OR2V1: variants seen among roughly 807,000 people sequenced by gnomAD.
OR2V1 encodes the protein olfactory receptor 2V1.
A neutral mutation model predicts 15.0 loss-of-function variants in OR2V1; 18 were observed. The observed-to-expected ratio is 1.20, with a 90% CI of 0.83 to 1.78. The LOEUF (loss-of-function observed/expected upper bound fraction) is 1.78, where lower values mean the gene tolerates loss of function less well. OR2V1 is among the 40% of genes most tolerant of loss of function. OR2V1 has a pLI of 0.00. For synonymous variants in OR2V1, 144 were observed against 146.1 expected, an observed-to-expected ratio of 0.99 and a Z score of 0.10; for missense variants, 359 against 392.9, an observed-to-expected ratio of 0.91 and a Z score of 0.73.
At position 181,125,202 on chromosome 5, in the gene OR2V1, C is replaced by G; in HGVS notation, c.103G>C (p.Val35Leu). 6.2e-7 allele frequency: 1 copy of G among 1,614,106 alleles called. No homozygotes were observed. Among genetic ancestry groups the G allele is most frequent in the Non-Finnish European group, 8.5e-7 (1 of 1,180,042 alleles). Residue 35 changes from valine (V) to leucine (L), a missense_variant, in exon 4 of 4, where the codon GTC (valine) becomes CTC (leucine). Physicochemically the swap from Val to Leu is conservative, Grantham distance 32. Coordinates refer to ENST00000641551, the MANE Select transcript of OR2V1 (RefSeq NM_001258283.2). ...DLVLFSAVMV[V>L]FTVALCGNVL... ...TTCCCACAGAGGGCCACTGTGAAGA[C>G]CACCATAACTGCAGAGAAGAGGACA...
At position 181,124,374 on chromosome 5, in the gene OR2V1, T is replaced by C. The variant is rs1762843048; in HGVS notation, c.931A>G (p.Ile311Val). 2 of 1,585,700 alleles carry C rather than the reference T, an allele frequency of 1.3e-6. No homozygotes were observed. The highest frequency in any genetic ancestry group is 3.6e-5 in the Admixed American group (2 of 55,876). ...TCTGGGGTTCAGTGCTGGCTGCCAA[T>C]CCTGCAGCGGTCCAGCCCCTTCCTC... Reference protein sequence around the residue: ...ALRKGLDRCRIGSQH With the variant: ...ALRKGLDRCRVGSQH Residue 311 changes from isoleucine to valine, a missense_variant, in exon 4 of 4, where the codon ATT (isoleucine) becomes GTT (valine). By Grantham distance (29) the Ile-to-Val change is conservative. Coordinates refer to ENST00000641551, the MANE Select transcript of OR2V1 (RefSeq NM_001258283.2).
Position 181,124,636 on chromosome 5 carries a change from T to G in OR2V1, c.669A>C (p.Leu223=). 1 of 1,613,528 alleles carries G rather than the reference T, an allele frequency of 6.2e-7. No homozygotes were observed. The highest frequency in any genetic ancestry group is 8.5e-7 in the Non-Finnish European group (1 of 1,179,930). ...CAGAGCGTATTCGGAGCACAGCCCC[T>G]AGGATGCAAGCATAGGAGGCCATGA... ...SIIMASYACI[L]GAVLRIRSAQ... Residue 223 remains leucine (L), a synonymous_variant, in exon 4 of 4, where the codon CTA becomes CTC. Transcript: ENST00000641551.
Position 181,124,888 on chromosome 5 carries a change from C to T in OR2V1, c.417G>A (p.Gln139=). The T allele has an allele frequency of 1.2e-6, 2 of 1,612,934 alleles. No homozygotes were observed. The highest frequency in any genetic ancestry group is 2.2e-5 in the East Asian group (1 of 44,860). ...HPLHYPILMN[Q]RVCLQITGSS... ...TCCCAGTAATCTGGAGACAGACCCT[C>T]TGATTCATGAGGATGGGATAGTGAA... The change falls in exon 4 of 4, where the codon CAG becomes CAA. Residue 139 remains glutamine (Q), a synonymous_variant. Coordinates refer to ENST00000641551, the MANE Select transcript of OR2V1 (RefSeq NM_001258283.2).
rs1362397773 is a variant in OR2V1, at chr5:181,123,456, C to T, written c.*901G>A. On this transcript the variant is annotated 3_prime_UTR_variant, in exon 4 of 4. Coordinates refer to ENST00000641551, the MANE Select transcript of OR2V1 (RefSeq NM_001258283.2). The stretch of plus-strand genomic sequence containing the variant: ...TCCATCCAGAAAGGCGGGGACAGCT[C>T]GAAGCAGGGAGGGGGCTTCCAGGTC... 5 of 160,494 alleles carry T rather than the reference C, an allele frequency of 3.1e-5. No individual in the cohort carries two copies. The South Asian group carries it at 5.0e-4, about 16-fold the overall frequency. 9.9% of individuals were successfully genotyped at this position (160,494 alleles called of 1,614,324 possible). A position where few individuals can be genotyped will look rare whatever the true frequency, so the allele number is the denominator to read the frequency against.
chr5:181,128,949 C>T (rs1762924623), intron 3 of OR2V1, among the ~76,000 whole-genome samples: 1 of 152,262 alleles, frequency 6.6e-6, no homozygotes, highest in Non-Finnish European at 1.5e-5. Flanking sequence ...TTTTGTTGGC[C>T]AAGTACCCTG....
intron 3 of OR2V1, among the ~76,000 whole-genome samples, chr5:181,127,900 C>T (rs1033933799): frequency 2.1e-4 from 32 of 151,942 alleles, no homozygotes; most frequent in Admixed American, 1.6e-3. Context: ...AGGACATGCA[C>T]GTCCCACTCC....
chr5:181,124,960 C>A lies in OR2V1; in HGVS notation c.345G>T (p.Leu115Phe), dbSNP rs1336530003. ...FVSLVGSEGLLLGLMAYDRYV... is the reference protein window; with the variant it reads ...FVSLVGSEGLFLGLMAYDRYV... ...AGCGGTCATAAGCCATGAGTCCCAGCAAGAGCCCCTCAGATCCCACAAGAG... is the reference window on the plus strand; with the variant it reads ...AGCGGTCATAAGCCATGAGTCCCAGAAAGAGCCCCTCAGATCCCACAAGAG... The change falls in exon 4 of 4, where the codon TTG becomes TTT. Residue 115 changes from leucine (L) to phenylalanine (F), a missense_variant. By Grantham distance (22) the Leu-to-Phe change is conservative. Transcript: ENST00000641551. 3 of 1,614,072 alleles carry A rather than the reference C, an allele frequency of 1.9e-6. No homozygotes were observed. The highest frequency in any genetic ancestry group is 4.5e-5 in the East Asian group (2 of 44,878).
chr5:181,128,162 C>T (rs950927612), intron 3 of OR2V1, among the ~76,000 whole-genome samples: 3 of 151,334 alleles, frequency 2.0e-5, no homozygotes, highest in African/African-American at 4.9e-5. Context: ...GGTCACAACA[C>T]TCGCATCATC....
chr5:181,126,420 CCACACACACACA>C (rs10532191), intron 3 of OR2V1, among the ~76,000 whole-genome samples: 24 of 140,910 alleles, frequency 1.7e-4, no homozygotes, highest in African/African-American at 5.2e-4. Flanking sequence ...ACATCACACA[CCACACACACACA>C]CACACACACA....
At chr5:181,126,693 C>T (rs1762876947) in intron 3 of OR2V1, among the ~76,000 whole-genome samples, 1 of 152,038 alleles carries the variant, frequency 6.6e-6, no homozygotes, top group African/African-American at 2.4e-5. Flanking sequence ...CGCACAGAAA[C>T]ACATAAGCAC....
rs141508488 is a variant in OR2V1, at chr5:181,124,660, G to C, written c.645C>G (p.Ile215Met). 6 of 1,613,688 alleles carry C rather than the reference G, an allele frequency of 3.7e-6. No individual in the cohort carries two copies. In the South Asian group the frequency reaches 5.5e-5, roughly 15 times the overall value. Residue 215 changes from isoleucine to methionine, a missense_variant, in exon 4 of 4, where the codon ATC becomes ATG. Physicochemically the swap from Ile to Met is conservative, Grantham distance 10. Coordinates refer to ENST00000641551, the MANE Select transcript of OR2V1 (RefSeq NM_001258283.2). ...VFMLLLPFSIIMASYACILGA... is the reference protein window; with the variant it reads ...VFMLLLPFSIMMASYACILGA... ...CTAGGATGCAAGCATAGGAGGCCAT[G>C]ATGATGGAGAAGGGAAGGAGAAGCA...
At chr5:181,125,711 C>T (rs972455907) in intron 3 of OR2V1, among the ~76,000 whole-genome samples, 3 of 152,200 alleles carry the variant, frequency 2.0e-5, no homozygotes, top group Non-Finnish European at 2.9e-5. Context: ...TCAAGCTGGG[C>T]GCGGTGGCTC....
In OR2V1 at chr5:181,125,165, A is replaced by T. The variant is rs1484803790; in HGVS notation, c.140T>A (p.Ile47Asn). Reference sequence around the variant, plus strand: ...TCCAGCGTCCAGGTAGATGAGGAAGATGAGGAGGACATTCCCACAGAGGGC... The same window carrying T: ...TCCAGCGTCCAGGTAGATGAGGAAGTTGAGGAGGACATTCCCACAGAGGGC... ...TVALCGNVLL[I>N]FLIYLDAGLH... Residue 47 changes from isoleucine (I) to asparagine (N), a missense_variant, in exon 4 of 4, where the codon ATC (isoleucine) becomes AAC (asparagine). By Grantham distance (149) the Ile-to-Asn change is moderately radical. Transcript: ENST00000641551. 6.2e-7 allele frequency: 1 copy of T among 1,614,124 alleles called. No homozygotes were observed.
chr5:181,123,569 A>C lies in OR2V1; in HGVS notation c.*788T>G, dbSNP rs1762829475. 1 of 152,434 alleles carries C rather than the reference A, an allele frequency of 6.6e-6. No individual in the cohort carries two copies. Among genetic ancestry groups the C allele is most frequent in the African/African-American group, 2.4e-5 (1 of 41,448 alleles). 9.4% of individuals were successfully genotyped at this position (152,434 alleles called of 1,614,324 possible). A position where few individuals can be genotyped will look rare whatever the true frequency, so the allele number is the denominator to read the frequency against. On this transcript the variant is annotated 3_prime_UTR_variant, in exon 4 of 4. Transcript: ENST00000641551. ...GTCAATCAGAAGCTGCATCGATCTC[A>C]GTGAGCAGAGGGCTGACTTTGAAAG...
In OR2V1 at chr5:181,123,216, G is replaced by A. The variant is rs1048732807; in HGVS notation, c.*1141C>T. On this transcript the variant is annotated 3_prime_UTR_variant, in exon 4 of 4. Transcript: ENST00000641551. Reference sequence around the variant, plus strand: ...GCAACTGCTACTTATAAGGCACAGGGTCTGGTACTGGTAATACACTGTGAA... The same window carrying A: ...GCAACTGCTACTTATAAGGCACAGGATCTGGTACTGGTAATACACTGTGAA... The A allele has an allele frequency of 6.6e-6, 1 of 152,182 alleles. No homozygotes were observed. The highest frequency in any genetic ancestry group is 1.9e-4 in the East Asian group (1 of 5,194). 9.4% of individuals were successfully genotyped at this position (152,182 alleles called of 1,614,324 possible).
In OR2V1 at chr5:181,124,730, T is replaced by G. The variant is rs1215139181; in HGVS notation, c.575A>C (p.Asp192Ala). The G allele has an allele frequency of 3.1e-6, 5 of 1,610,396 alleles. No homozygotes were observed. The highest frequency in any genetic ancestry group is 4.2e-6 in the Non-Finnish European group (5 of 1,179,778). ...GAGGAGGGTGTCAAAAAGGGAAGTG[T>G]CTGCACAGGCCAGCTTCAATAAAGC... ...VQALLKLACADTSLFDTLLFA... is the reference protein window; with the variant it reads ...VQALLKLACAATSLFDTLLFA... The change falls in exon 4 of 4, where the codon GAC becomes GCC. Residue 192 changes from aspartate (D) to alanine (A), a missense_variant. By Grantham distance (126) the Asp-to-Ala change is moderately radical. Coordinates refer to ENST00000641551, the MANE Select transcript of OR2V1 (RefSeq NM_001258283.2).
At chr5:181,130,501 C>G (rs1762947632) in intron 1 of OR2V1, 1 of 356,228 alleles carries the variant, frequency 2.8e-6, no homozygotes, top group African/African-American at 2.1e-5. Context: ...TGAGCCCACC[C>G]AGGATTCCCA....
At chr5:181,126,312 TG>T (rs1387416256) in intron 3 of OR2V1, among the ~76,000 whole-genome samples, 1 of 152,166 alleles carries the variant, frequency 6.6e-6, no homozygotes, top group African/African-American at 2.4e-5. Context: ...TCTGCTAAGA[TG>T]TAAAGCATTT....
In OR2V1 at chr5:181,124,311, T is replaced by C. The variant is rs765581002; in HGVS notation, c.*46A>G. 1.4e-6 allele frequency: 2 copies of C among 1,460,660 alleles called. No homozygotes were observed. Among genetic ancestry groups the C allele is most frequent in the South Asian group, 1.5e-5 (1 of 67,114 alleles). 90.5% of individuals were successfully genotyped at this position (1,460,660 alleles called of 1,614,324 possible). The stretch of plus-strand genomic sequence containing the variant: ...TCACAAAGGTTGAGTGACTTCCCAA[T>C]GTGACACAGGCAAGAAGGGGCACAG... On this transcript the variant is annotated 3_prime_UTR_variant, in exon 4 of 4. Coordinates refer to ENST00000641551, the MANE Select transcript of OR2V1 (RefSeq NM_001258283.2).
Sources: gnomAD v4.1 joint callset for allele counts (sites outside exome capture counted in the v4.1 genomes callset) on GRCh38, gnomAD v4.1.1 for gene constraint, MANE v1.5 for transcripts, NCBI Gene and HGNC (gene_info 2026-07-23, HGNC 2026-07-21) for gene names.